INTS4: variants seen among roughly 807,000 people sequenced by gnomAD.
INTS4 encodes integrator complex subunit 4.
In INTS4, 70 loss-of-function variants were observed where a neutral mutation model predicts 119.5. The ratio of observed to expected loss-of-function variants is 0.59; its 90% confidence interval spans 0.48 to 0.71. The LOEUF is 0.71. Ranked by LOEUF, INTS4 falls within the 30% of genes least tolerant of loss-of-function variation. The pLI, the probability that INTS4 is intolerant of heterozygous loss-of-function variation, is 0.00. For synonymous variants in INTS4, 316 were observed against 419.6 expected, an observed-to-expected ratio of 0.75 and a Z score of 3.02; for missense variants, 867 against 1,173.2, an observed-to-expected ratio of 0.74 and a Z score of 3.81.
chr11:77,874,893 C>A (rs1414985151), downstream of INTS4, among the ~76,000 whole-genome samples: 5 of 152,110 alleles, frequency 3.3e-5, no homozygotes. Context: ...AAAAATTAGC[C>A]AGGCGTGGTG....
intron 7 of INTS4, among the ~76,000 whole-genome samples, chr11:77,957,125 G>T (rs1338487495): frequency 6.6e-6 from 1 of 151,940 alleles, no homozygotes; most frequent in Non-Finnish European, 1.5e-5. Flanking sequence ...TAGTAGAGAT[G>T]GTTCACCATG....
chr11:77,903,427 C>G lies in INTS4; in HGVS notation c.2097+113G>C, dbSNP rs1591036408. On this transcript the variant is annotated intron_variant, in intron 17 of 22. Coordinates refer to ENST00000534064, the MANE Select transcript of INTS4 (RefSeq NM_033547.4). ...ACAAAGGGGCAGCTACATGCCACAA[C>G]TTTTCCTGCAAGGCCTACACAGACA... 1.2e-5 allele frequency: 19 copies of G among 1,607,328 alleles called. No individual in the cohort carries two copies. The East Asian group carries it at 4.2e-4, about 36-fold the overall frequency.
chr11:77,891,912 C>A, intron 19 of INTS4, 72 bp from the exon 20 acceptor site: 1 of 1,594,154 alleles, frequency 6.3e-7, no homozygotes, highest in Non-Finnish European at 8.5e-7. Context: ...GCCCCAGACA[C>A]CTATCAAACC....
Position 77,891,419 on chromosome 11 carries a change from G to T in INTS4, c.2492C>A (p.Ser831Ter). 6.2e-7 allele frequency: 1 copy of T among 1,613,606 alleles called. No homozygotes were observed. Among genetic ancestry groups the T allele is most frequent in the Non-Finnish European group, 8.5e-7 (1 of 1,179,748 alleles). Residue 831 changes from serine (S) to a stop codon, truncating the protein, a stop_gained, in exon 21 of 23, where the codon TCA becomes TAA. Coordinates refer to ENST00000534064, the MANE Select transcript of INTS4 (RefSeq NM_033547.4). LOFTEE classifies it high-confidence loss of function. The part of the protein sequence containing the change: ...SATIIEPAGE[S>*]DNPLRFTSGL... ...AGAGGTAAACCGCAAAGGGTTGTCT[G>T]ACTCGCCCGCTGGCTCGATGATGGT... is the stretch of plus-strand genomic sequence containing the variant.
intron 10 of INTS4, among the ~76,000 whole-genome samples, chr11:77,938,004 T>C (rs1395860125): frequency 6.6e-6 from 1 of 152,048 alleles, no homozygotes; most frequent in Non-Finnish European, 1.5e-5. Context: ...TATGCCACCA[T>C]ACCAGCTATT....
intron 10 of INTS4, among the ~76,000 whole-genome samples, chr11:77,938,138 C>A (rs1488836997): frequency 6.6e-6 from 1 of 151,894 alleles, no homozygotes; most frequent in Admixed American, 6.6e-5. Flanking sequence ...TGAGCCACCA[C>A]GCCTGGCCCA....
intron 8 of INTS4, among the ~76,000 whole-genome samples, chr11:77,952,206 G>C (rs1296664710): frequency 6.6e-6 from 1 of 152,172 alleles, no homozygotes; most frequent in Non-Finnish European, 1.5e-5. Flanking sequence ...AGCTTGCACA[G>C]AGATACTAAT....
chr11:77,974,059 A>ACAG (rs991047030), intron 4 of INTS4, among the ~76,000 whole-genome samples: 10 of 151,980 alleles, frequency 6.6e-5, no homozygotes, highest in Non-Finnish European at 8.8e-5. Flanking sequence ...TTGAGGCCTG[A>ACAG]GCTTTTCTTT....
intron 16 of INTS4, among the ~76,000 whole-genome samples, chr11:77,904,082 C>G (rs1322153579): frequency 1.3e-5 from 2 of 152,180 alleles, no homozygotes; most frequent in Non-Finnish European, 2.9e-5. Flanking sequence ...AGAAATCAAG[C>G]AGCTTTCCTA....
chr11:77,981,807 G>C (rs1475571103), intron 2 of INTS4, among the ~76,000 whole-genome samples: 1 of 151,810 alleles, frequency 6.6e-6, no homozygotes, highest in South Asian at 2.1e-4. Context: ...CTGTTGCCCA[G>C]CCTGGAGTGC....
chr11:77,944,447 G>A (rs1224327890), intron 8 of INTS4, among the ~76,000 whole-genome samples: 4 of 151,978 alleles, frequency 2.6e-5, no homozygotes, highest in Non-Finnish European at 5.9e-5. Context: ...TCTCTGCATC[G>A]CTACCTAGTT....
intron 7 of INTS4, among the ~76,000 whole-genome samples, chr11:77,956,718 ATAATAATAATAATAATAATAATAAT>A (rs1565271416): frequency 7.1e-5 from 6 of 84,952 alleles, no homozygotes; most frequent in Non-Finnish European, 4.9e-5. Context: ...AAAAATAATA[ATAATAATAATAATAATAATAATAAT>A]AATAATAATA....
intron 1 of INTS4, among the ~76,000 whole-genome samples, chr11:77,991,673 C>A (rs1856692779): frequency 6.6e-6 from 1 of 151,868 alleles, no homozygotes; most frequent in African/African-American, 2.4e-5. Context: ...CAAGCATGAG[C>A]CACGGTGCCC....
intron 21 of INTS4, among the ~76,000 whole-genome samples, chr11:77,888,946 G>T (rs1005435165): frequency 6.6e-6 from 1 of 152,198 alleles, no homozygotes; most frequent in Non-Finnish European, 1.5e-5. Context: ...AGAGGATGTG[G>T]AGAAATAGGA....
chr11:77,927,362 T>C (rs887961738), intron 11 of INTS4, among the ~76,000 whole-genome samples: 1 of 152,170 alleles, frequency 6.6e-6, no homozygotes, highest in African/African-American at 2.4e-5. Context: ...GGTAGGGACC[T>C]TCAAAACCAA....
intron 15 of INTS4, among the ~76,000 whole-genome samples, chr11:77,909,258 T>C (rs1369330780): frequency 1.3e-5 from 2 of 152,250 alleles, no homozygotes; most frequent in Non-Finnish European, 2.9e-5. Context: ...CACTTAATCA[T>C]ACCATATCTC....
chr11:77,967,503 T>C (rs1855553114), intron 4 of INTS4, among the ~76,000 whole-genome samples: 1 of 152,212 alleles, frequency 6.6e-6, no homozygotes, highest in African/African-American at 2.4e-5. Context: ...TACAGAGGTA[T>C]ATCCCGTAAG....
intron 8 of INTS4, among the ~76,000 whole-genome samples, chr11:77,952,961 G>C (rs187479581): frequency 6.6e-6 from 1 of 152,202 alleles, no homozygotes; most frequent in Admixed American, 6.5e-5. Flanking sequence ...TGAATGATTA[G>C]ACTGTTCTGA....
At chr11:77,958,032 A>G (rs1954374495) in intron 7 of INTS4, among the ~76,000 whole-genome samples, 1 of 152,064 alleles carries the variant, frequency 6.6e-6, no homozygotes, top group African/African-American at 2.4e-5. Context: ...ATCCAGTCCT[A>G]AAAGAAGACA....
Sources: gnomAD v4.1 joint callset for allele counts (sites outside exome capture counted in the v4.1 genomes callset) on GRCh38, gnomAD v4.1.1 for gene constraint, MANE v1.5 for transcripts, NCBI Gene and HGNC (gene_info 2026-07-23, HGNC 2026-07-21) for gene names.